Variants in VARS2 observed in about 807,000 individuals in gnomAD.
VARS2 encodes the protein valine--tRNA ligase, mitochondrial.
VARS2 carries 105 observed loss-of-function variants against 154.1 expected under a neutral mutation model. The observed-to-expected ratio is 0.68, with a 90% confidence interval of 0.58 to 0.80. The LOEUF is 0.80. Ranked by LOEUF, VARS2 falls within the 30% of genes least tolerant of loss-of-function variation. VARS2 has a pLI of 0.00. For missense variants in VARS2, 1,157 were observed against 1,361.4 expected, an observed-to-expected ratio of 0.85 and a Z score of 2.36; for synonymous variants, 483 against 539.5, an observed-to-expected ratio of 0.90 and a Z score of 1.45.
At chr6:30,925,798 G>A in intron 28 of VARS2, 79 bp downstream of exon 28, 6 of 1,611,004 alleles carry the variant, frequency 3.7e-6, no homozygotes, top group Non-Finnish European at 5.1e-6. Context: ...GCTCTATAAA[G>A]TAGGGGAAGG....
chr6:30,917,693 A>G lies in VARS2; in HGVS notation c.874-2A>G, dbSNP rs2150554127. 2 of 1,554,124 alleles carry G rather than the reference A, an allele frequency of 1.3e-6. No homozygotes were observed. Among genetic ancestry groups the G allele is most frequent in the Non-Finnish European group, 8.7e-7 (1 of 1,149,242 alleles). ...CTGACCCAGCTTTCTCGGTGCCTCCAGGTGGAGAACCGGCCCCTGCCTGGC... is the reference window on the plus strand; with the variant it reads ...CTGACCCAGCTTTCTCGGTGCCTCCGGGTGGAGAACCGGCCCCTGCCTGGC... On this transcript the variant is annotated splice_acceptor_variant, in intron 9 of 29. Transcript: ENST00000676266. LOFTEE classifies it high-confidence loss of function. This position sits in a 1 kb window ranked among gnomAD's most constrained non-coding sequence, Gnocchi z 4.4.
rs1264299 is a variant in VARS2, at chr6:30,916,143, C to T, written c.574-9C>T. The T allele has an allele frequency of 0.33, 538,506 of 1,613,424 alleles. 93,551 individuals carry two copies. The highest frequency in any genetic ancestry group is 0.36 in the Non-Finnish European group (422,436 of 1,179,600). ...TGACTCTGTTCATTTGCCCTGAATCCAACTGCAGGCTGTGGTGGAGAAACA... is the reference window on the plus strand; with the variant it reads ...TGACTCTGTTCATTTGCCCTGAATCTAACTGCAGGCTGTGGTGGAGAAACA... On this transcript the variant is annotated splice_polypyrimidine_tract_variant and intron_variant, in intron 6 of 29. Coordinates refer to ENST00000676266, the MANE Select transcript of VARS2 (RefSeq NM_020442.6). This position sits in a 1 kb window ranked among gnomAD's most constrained non-coding sequence, Gnocchi z 4.0.
chr6:30,922,086 T>C, intron 19 of VARS2, 30 bp from the exon 20 acceptor site: 1 of 1,612,472 alleles, frequency 6.2e-7, no homozygotes, highest in Non-Finnish European at 8.5e-7. Flanking sequence ...GCCTGGGGCC[T>C]GGGCCTCTTA....
Position 30,923,201 on chromosome 6 carries a change from G to A in VARS2, c.2283G>A (p.Gly761=). The change falls in exon 24 of 30, where the codon GGG becomes GGA. Residue 761 remains glycine (G), a synonymous_variant. Transcript: ENST00000676266. Reference sequence around the variant, plus strand: ...TTCGCTTTATCCTCAATGCTTTAGGGGAGAAATTTGTGCCACAGCCTGCTG... The same window carrying A: ...TTCGCTTTATCCTCAATGCTTTAGGAGAGAAATTTGTGCCACAGCCTGCTG... ...NALRFILNAL[G]EKFVPQPAEE... 6.2e-7 allele frequency: 1 copy of A among 1,613,126 alleles called. No individual in the cohort carries two copies.
chr6:30,916,862 A>C lies in VARS2; in HGVS notation c.672-16A>C, dbSNP rs202118530. ...GCTTGGGAAGTGTTTGCTGACAAGG[A>C]TCTCTCTGGGCACAGGAAAGGTGGA... On this transcript the variant is annotated splice_polypyrimidine_tract_variant and intron_variant, in intron 7 of 29. Coordinates refer to ENST00000676266, the MANE Select transcript of VARS2 (RefSeq NM_020442.6). The surrounding 1 kb of genome is among the most constrained non-coding windows in gnomAD (Gnocchi z 4.0). 797 of 1,613,848 alleles carry C rather than the reference A, an allele frequency of 4.9e-4. 6 individuals are homozygous for C. Among genetic ancestry groups the C allele is most frequent in the Admixed American group, 3.2e-4 (19 of 59,990 alleles).
rs1312924156 is a variant in VARS2 at position 30,917,732 on chromosome 6, G to A, written c.911G>A (p.Arg304Gln). ...CCCCTGCCTGGCCACACACAGCTTC[G>A]ACTGCCTGGCTGCCCCACCCCCGTG... ...NRPLPGHTQL[R>Q]LPGCPTPVSF... The change falls in exon 10 of 30, where the codon CGA becomes CAA. Residue 304 changes from arginine to glutamine, a missense_variant. Transcript: ENST00000676266. The surrounding 1 kb of genome is among the most constrained non-coding windows in gnomAD (Gnocchi z 4.4). 47 of 1,567,814 alleles carry A rather than the reference G, an allele frequency of 3.0e-5. No individual in the cohort carries two copies. Among genetic ancestry groups the A allele is most frequent in the South Asian group, 4.7e-5 (4 of 84,932 alleles).
chr6:30,920,085 C>T lies in VARS2; in HGVS notation c.1166-4C>T. ...CAGTACTCACCATGGCTGTGCTCCC[C>T]AAGGGGCAGTGAAGGTGACTCCAGC... On this transcript the variant is annotated splice_polypyrimidine_tract_variant and splice_region_variant and intron_variant, in intron 12 of 29. Transcript: ENST00000676266. This position sits in a 1 kb window ranked among gnomAD's most constrained non-coding sequence, Gnocchi z 4.6. 6.5e-7 allele frequency: 1 copy of T among 1,535,074 alleles called. No individual in the cohort carries two copies. Among genetic ancestry groups the T allele is most frequent in the Non-Finnish European group, 8.8e-7 (1 of 1,142,852 alleles).
chr6:30,918,874 G>A lies in VARS2; in HGVS notation c.1033G>A (p.Asp345Asn), dbSNP rs1455831349. 1 of 1,612,918 alleles carries A rather than the reference G, an allele frequency of 6.2e-7. No homozygotes were observed. The highest frequency in any genetic ancestry group is 8.5e-7 in the Non-Finnish European group (1 of 1,180,040). ...GTTRPETLPG[D>N]VAVAVHPDDS... is the part of the protein sequence containing the mutation. ...CACAAGGCCAGAGACGCTGCCTGGAGATGTGGCTGTGGCCGTTCATCCAGA... is the reference window on the plus strand; with the variant it reads ...CACAAGGCCAGAGACGCTGCCTGGAAATGTGGCTGTGGCCGTTCATCCAGA... Residue 345 changes from aspartate (D) to asparagine (N), a missense_variant, in exon 11 of 30, where the codon GAT (aspartate) becomes AAT (asparagine). Coordinates refer to ENST00000676266, the MANE Select transcript of VARS2 (RefSeq NM_020442.6).
rs981416970 is a variant in VARS2 at position 30,915,132 on chromosome 6, G to C, written c.202-24G>C. The C allele has an allele frequency of 3.7e-6, 6 of 1,613,336 alleles. No individual in the cohort carries two copies. In the African/African-American group the frequency reaches 8.0e-5, roughly 22 times the overall value. The stretch of plus-strand genomic sequence containing the variant: ...GCAGTCTGGGGTATACTGGATCCCA[G>C]CCTCTTCTGCTTTCTCTTCTCAGTC... On this transcript the variant is annotated intron_variant, in intron 2 of 29. Transcript: ENST00000676266.
chr6:30,926,129 A>G lies in VARS2; in HGVS notation c.3111A>G (p.Glu1037=). ...RQQKLSSLQL[E]LSKLDKAASH... ...TCCAGCTTTCTTCCCTCCAGCTGGA[A>G]TTGTCAAAACTGGACAAGGCAGCCT... Residue 1037 remains glutamate (E), a synonymous_variant, in exon 30 of 30, where the codon GAA becomes GAG. Coordinates refer to ENST00000676266, the MANE Select transcript of VARS2 (RefSeq NM_020442.6). 1 of 1,613,044 alleles carries G rather than the reference A, an allele frequency of 6.2e-7. No individual in the cohort carries two copies. The highest frequency in any genetic ancestry group is 2.2e-5 in the East Asian group (1 of 44,882).
Position 30,921,427 on chromosome 6 carries a change from T to A in VARS2, c.1632+122T>A. 1 of 1,446,128 alleles carries A rather than the reference T, an allele frequency of 6.9e-7. No individual in the cohort carries two copies. The highest frequency in any genetic ancestry group is 9.6e-7 in the Non-Finnish European group (1 of 1,045,294). 89.6% of individuals were successfully genotyped at this position (1,446,128 alleles called of 1,614,324 possible). ...CATGTGCTTCATGCTCATAGTCATG[T>A]AACCTTCTGCGCGATCAAGGCTCCC... On this transcript the variant is annotated intron_variant, in intron 17 of 29. Coordinates refer to ENST00000676266, the MANE Select transcript of VARS2 (RefSeq NM_020442.6). The surrounding 1 kb of genome is among the most constrained non-coding windows in gnomAD (Gnocchi z 4.6).
At chr6:30,918,715 A>G (rs1794324728) in intron 10 of VARS2, 112 bp from the exon 11 acceptor site, 1 of 873,306 alleles carries the variant, frequency 1.1e-6, no homozygotes, top group Non-Finnish European at 1.8e-6. Flanking sequence ...GGCCTCTTCC[A>G]CCTTGACTAC....
At chr6:30,922,850 C>T (rs761171174) in intron 22 of VARS2, 48 bp from the exon 23 acceptor site, 1 of 1,580,724 alleles carries the variant, frequency 6.3e-7, no homozygotes, top group Middle Eastern at 1.7e-4. Context: ...GGTCCTGGCC[C>T]TGCAGCCACA....
chr6:30,915,148 C>G lies in VARS2; in HGVS notation c.202-8C>G, dbSNP rs758230570. On this transcript the variant is annotated splice_region_variant and splice_polypyrimidine_tract_variant and intron_variant, in intron 2 of 29. Transcript: ENST00000676266. The stretch of plus-strand genomic sequence containing the variant: ...TGGATCCCAGCCTCTTCTGCTTTCT[C>G]TTCTCAGTCACCTGCAGAATCCATT... 3.1e-6 allele frequency: 5 copies of G among 1,614,034 alleles called. No individual in the cohort carries two copies. Among genetic ancestry groups the G allele is most frequent in the South Asian group, 1.1e-5 (1 of 91,080 alleles).
chr6:30,920,807 T>G lies in VARS2; in HGVS notation c.1479+58T>G. ...GGGGTTGGGGGAGCTCCCTGAGAAT[T>G]GGAATGAAGAAATGGGAAGCAGGAG... On this transcript the variant is annotated intron_variant, in intron 15 of 29. Coordinates refer to ENST00000676266, the MANE Select transcript of VARS2 (RefSeq NM_020442.6). This position sits in a 1 kb window ranked among gnomAD's most constrained non-coding sequence, Gnocchi z 4.6. 7.1e-7 allele frequency: 1 copy of G among 1,410,762 alleles called. No individual in the cohort carries two copies. The highest frequency in any genetic ancestry group is 9.5e-7 in the Non-Finnish European group (1 of 1,049,626). 87.4% of individuals were successfully genotyped at this position (1,410,762 alleles called of 1,614,324 possible).
Position 30,921,022 on chromosome 6 carries a change from G to T in VARS2, c.1480-43G>T. ...TCGTCCTATCTGTGGAGGTGCGGCC[G>T]TGCAGGAAGGGCAACATTGTCTAAA... On this transcript the variant is annotated intron_variant, in intron 15 of 29. Transcript: ENST00000676266. The surrounding 1 kb of genome is among the most constrained non-coding windows in gnomAD (Gnocchi z 4.6). 6.4e-7 allele frequency: 1 copy of T among 1,572,000 alleles called. No homozygotes were observed. Among genetic ancestry groups the T allele is most frequent in the Non-Finnish European group, 8.6e-7 (1 of 1,157,008 alleles).
chr6:30,925,876 C>T lies in VARS2; in HGVS notation c.2962-4C>T. 6.2e-7 allele frequency: 1 copy of T among 1,612,592 alleles called. No individual in the cohort carries two copies. The highest frequency in any genetic ancestry group is 1.1e-5 in the South Asian group (1 of 91,068). On this transcript the variant is annotated splice_polypyrimidine_tract_variant and splice_region_variant and intron_variant, in intron 28 of 29. Transcript: ENST00000676266. The stretch of plus-strand genomic sequence containing the variant: ...CTGAGCCTTTTCTCCCTGTTCTTCC[C>T]CAGGGCCTGGTGGACCCGCAGATCC...
rs910354217 is a variant in VARS2 at position 30,920,876 on chromosome 6, A to G, written c.1479+127A>G. 1.9e-6 allele frequency: 2 copies of G among 1,069,986 alleles called. No homozygotes were observed. The highest frequency in any genetic ancestry group is 1.3e-6 in the Non-Finnish European group (1 of 754,002). The allele number at this position is 1,069,986 out of a possible 1,614,324, so 66.3% of individuals were successfully genotyped here. Reference sequence around the variant, plus strand: ...CTCTCCAGCTGTGGTAACTGAGAGGATGTGTGGGATGGAGGCTGGGCGGCC... The same window carrying G: ...CTCTCCAGCTGTGGTAACTGAGAGGGTGTGTGGGATGGAGGCTGGGCGGCC... On this transcript the variant is annotated intron_variant, in intron 15 of 29. Transcript: ENST00000676266. This position sits in a 1 kb window ranked among gnomAD's most constrained non-coding sequence, Gnocchi z 4.6.
Position 30,917,743 on chromosome 6 carries a change from T to C in VARS2, c.922T>C (p.Cys308Arg), listed in dbSNP as rs747022715. The change falls in exon 10 of 30, where the codon TGC becomes CGC. Residue 308 changes from cysteine (C) to arginine (R), a missense_variant. Physicochemically the swap from Cys to Arg is radical, Grantham distance 180 (BLOSUM62 -3). Coordinates refer to ENST00000676266, the MANE Select transcript of VARS2 (RefSeq NM_020442.6). This position sits in a 1 kb window ranked among gnomAD's most constrained non-coding sequence, Gnocchi z 4.4. Reference protein sequence around the residue: ...PGHTQLRLPGCPTPVSFGLLF... With the variant: ...PGHTQLRLPGRPTPVSFGLLF... ...CCACACACAGCTTCGACTGCCTGGC[T>C]GCCCCACCCCCGTGTCTTTTGGCCT... 1 of 1,568,766 alleles carries C rather than the reference T, an allele frequency of 6.4e-7. No individual in the cohort carries two copies. The highest frequency in any genetic ancestry group is 8.6e-7 in the Non-Finnish European group (1 of 1,156,306).
Sources: allele counts gnomAD v4.1 joint callset, GRCh38; gene constraint gnomAD v4.1.1; non-coding constraint Gnocchi (gnomAD v3.1); transcripts MANE v1.5; gene names NCBI Gene and HGNC (gene_info 2026-07-23, HGNC 2026-07-21).